The following SDK1 variants were observed in gnomAD, a reference collection of about 807,000 sequenced individuals.
The protein encoded by SDK1 is protein sidekick-1.
Under a neutral mutation model 245.5 loss-of-function variants are expected in SDK1, and 157 were observed. The ratio of observed to expected loss-of-function variants is 0.64; its 90% CI spans 0.56 to 0.73. The LOEUF (loss-of-function observed/expected upper bound fraction) is 0.73, where lower values mean the gene tolerates loss of function less well. Ranked by LOEUF, SDK1 falls within the 30% of genes least tolerant of loss-of-function variation. The pLI is 0.00. For missense variants in SDK1, 3,583 were observed against 3,002.3 expected, an observed-to-expected ratio of 1.19 and a Z score of -4.52; for synonymous variants, 1,647 against 1,278.5, an observed-to-expected ratio of 1.29 and a Z score of -6.15.
At chr7:3,518,502 G>C (rs1782822740) in intron 1 of SDK1, among the ~76,000 whole-genome samples, 1 of 150,428 alleles carries the variant, frequency 6.6e-6, no homozygotes, top group Admixed American at 6.6e-5. Flanking sequence ...AAAAAAGAAA[G>C]ATTAAAAAAT....
chr7:3,343,463 C>T (rs1237780848), intron 1 of SDK1, among the ~76,000 whole-genome samples: 9 of 152,114 alleles, frequency 5.9e-5, no homozygotes, highest in Non-Finnish European at 1.2e-4. Context: ...AATTCTAGAA[C>T]TGGATTAGTG....
intron 4 of SDK1, among the ~76,000 whole-genome samples, chr7:3,767,242 G>T (rs959794600): frequency 1.5e-4 from 23 of 152,128 alleles, no homozygotes; most frequent in Non-Finnish European, 1.0e-4. Context: ...GACCACTCGT[G>T]GCTGCAGAGG....
intron 4 of SDK1, among the ~76,000 whole-genome samples, chr7:3,760,002 C>T (rs921584046): frequency 1.3e-5 from 2 of 151,966 alleles, no homozygotes; most frequent in African/African-American, 4.8e-5. Flanking sequence ...TTTGTAGAGA[C>T]CTTGAGAGGG....
At chr7:3,611,955 G>C (rs895180632) in intron 1 of SDK1, among the ~76,000 whole-genome samples, 1 of 152,146 alleles carries the variant, frequency 6.6e-6, no homozygotes, top group African/African-American at 2.4e-5. Flanking sequence ...CAGCTACCTG[G>C]CTGGAACTGG....
chr7:3,757,943 A>C (rs1779983693), intron 4 of SDK1, among the ~76,000 whole-genome samples: 1 of 152,168 alleles, frequency 6.6e-6, no homozygotes, highest in Non-Finnish European at 1.5e-5. Flanking sequence ...TTGTTAGAAC[A>C]AAAGACTCCT....
chr7:4,192,918 C>A (rs2128223053), intron 35 of SDK1, among the ~76,000 whole-genome samples: 1 of 150,986 alleles, frequency 6.6e-6, no homozygotes, highest in Non-Finnish European at 1.5e-5. Flanking sequence ...TTCACAAATA[C>A]TTTTACCATA....
At chr7:4,247,208 G>T (rs896154932) in intron 44 of SDK1, among the ~76,000 whole-genome samples, 4 of 152,084 alleles carry the variant, frequency 2.6e-5, no homozygotes, top group African/African-American at 4.8e-5. Flanking sequence ...ATTGAGCCCC[G>T]GGGCTCTATC....
At chr7:3,780,978 G>C (rs1311192828) in intron 4 of SDK1, among the ~76,000 whole-genome samples, 1 of 152,084 alleles carries the variant, frequency 6.6e-6, no homozygotes, top group African/African-American at 2.4e-5. Flanking sequence ...CGTAAGCAGG[G>C]AGACTCCCAC....
At chr7:3,401,429 A>G (rs1329717323) in intron 1 of SDK1, among the ~76,000 whole-genome samples, 2 of 152,184 alleles carry the variant, frequency 1.3e-5, no homozygotes, top group African/African-American at 4.8e-5. Context: ...TTTTATTCAA[A>G]GACTTTTTGA....
At chr7:3,644,784 A>C (rs1417464719) in intron 4 of SDK1, among the ~76,000 whole-genome samples, 2 of 141,200 alleles carry the variant, frequency 1.4e-5, no homozygotes, top group Non-Finnish European at 3.1e-5. Flanking sequence ...AAAAAAAAAA[A>C]AAAAAAAACA....
chr7:3,864,553 A>G (rs904979754), intron 5 of SDK1, among the ~76,000 whole-genome samples: 2 of 152,218 alleles, frequency 1.3e-5, no homozygotes, highest in Non-Finnish European at 2.9e-5. Flanking sequence ...GCAAGAAAGT[A>G]GGTTTCCAGA....
chr7:3,749,371 C>G (rs1196805515), intron 4 of SDK1, among the ~76,000 whole-genome samples: 24 of 152,174 alleles, frequency 1.6e-4, no homozygotes, highest in Admixed American at 1.6e-3. Context: ...ACGATCTCAG[C>G]TCACTGCAAC....
chr7:3,523,187 A>G (rs916267545), intron 1 of SDK1, among the ~76,000 whole-genome samples: 6 of 152,234 alleles, frequency 3.9e-5, no homozygotes, highest in South Asian at 4.1e-4. Flanking sequence ...ACTATATGCA[A>G]TTGACCTGAA....
In SDK1 at chr7:4,108,029, G is replaced by A. The variant is rs553600445; in HGVS notation, c.3325-2634G>A. 1.1e-4 allele frequency among the ~76,000 whole-genome samples: 17 copies of A among 152,230 alleles called. No individual in the cohort carries two copies. In the East Asian group the frequency reaches 1.7e-3, roughly 16 times the overall value. On this transcript the variant is annotated intron_variant, in intron 22 of 44. Transcript: ENST00000404826. Reference sequence around the variant, plus strand: ...TGCATCAGCTGCATAGATAAATATCGCACGGCTCCTCTCCACTAGACACTG... The same window carrying A: ...TGCATCAGCTGCATAGATAAATATCACACGGCTCCTCTCCACTAGACACTG...
intron 1 of SDK1, among the ~76,000 whole-genome samples, chr7:3,574,963 G>C (rs1332588619): frequency 1.3e-5 from 2 of 152,066 alleles, no homozygotes; most frequent in Non-Finnish European, 2.9e-5. Context: ...AGTACGGGTA[G>C]TCATGTCTGG....
intron 1 of SDK1, among the ~76,000 whole-genome samples, chr7:3,388,496 G>A (rs920110401): frequency 1.3e-5 from 2 of 151,870 alleles, no homozygotes; most frequent in East Asian, 3.9e-4. Flanking sequence ...AAACTCCTAG[G>A]CTCAAGCGAT....
At chr7:4,168,706 C>T (rs1348346044) in intron 32 of SDK1, among the ~76,000 whole-genome samples, 1 of 152,184 alleles carries the variant, frequency 6.6e-6, no homozygotes, top group African/African-American at 2.4e-5. Flanking sequence ...GGTACCAGTT[C>T]CTCGAGCTGC....
intron 1 of SDK1, among the ~76,000 whole-genome samples, chr7:3,414,373 CCCTGACTTCTGTCATGGTG>C (rs1252085999): frequency 1.3e-5 from 2 of 152,112 alleles, no homozygotes; most frequent in Admixed American, 6.5e-5. Context: ...CATCTGAGAA[CCCTGACTTCTGTCATGGTG>C]CCTGGAGTCT....
intron 17 of SDK1, among the ~76,000 whole-genome samples, chr7:4,029,853 G>C (rs933930518): frequency 7.2e-5 from 11 of 152,158 alleles, no homozygotes; most frequent in South Asian, 2.1e-4. Flanking sequence ...AAAATAAATT[G>C]CTTTGTTAGA....
Sources: gnomAD v4.1 joint callset for allele counts (sites outside exome capture counted in the v4.1 genomes callset) on GRCh38, gnomAD v4.1.1 for gene constraint, MANE v1.5 for transcripts, NCBI Gene and HGNC (gene_info 2026-07-23, HGNC 2026-07-21) for gene names.